The following DACH2 variants were observed in gnomAD, a reference collection of about 807,000 sequenced individuals.
DACH2 encodes the protein dachshund family transcription factor 2.
In DACH2, 17 loss-of-function variants were observed where a neutral mutation model predicts 35.8. The observed-to-expected ratio is 0.48, with a 90% confidence interval of 0.33 to 0.71. The LOEUF is 0.71. Among genes scored for constraint, DACH2 ranks in the 30% least tolerant of loss-of-function variants. DACH2 has a pLI of 0.02. For synonymous variants in DACH2, 195 were observed against 177.3 expected (o/e 1.10, Z -0.79); for missense variants, 469 against 472.7 (o/e 0.99, Z 0.07).
At chrX:86,186,131 A>T (rs5922232) in intron 1 of DACH2, among the ~76,000 whole-genome samples, 46,152 of 111,770 alleles carry the variant, frequency 0.41, 7,878 homozygotes, top group Non-Finnish European at 0.55. Flanking sequence ...TCCTATACTA[A>T]CCAAACTAAT....
At chrX:86,730,106 T>G (rs1033724477) in intron 6 of DACH2, among the ~76,000 whole-genome samples, 1 of 111,388 alleles carries the variant, frequency 9.0e-6, no homozygotes, top group Non-Finnish European at 1.9e-5. Flanking sequence ...TTGGTTTATA[T>G]TAAGCTGATG....
At chrX:86,720,745 C>T (rs1271267735) in intron 6 of DACH2, among the ~76,000 whole-genome samples, 2 of 112,497 alleles carry the variant, frequency 1.8e-5, no homozygotes, top group Non-Finnish European at 3.8e-5. Context: ...CTAGGCAGTG[C>T]CCCAGTGGGG....
At chrX:86,728,173 A>G (rs1299833801) in intron 6 of DACH2, among the ~76,000 whole-genome samples, 1 of 111,997 alleles carries the variant, frequency 8.9e-6, no homozygotes, top group African/African-American at 3.2e-5. Context: ...GTTATACCTT[A>G]GCAAAGATCC....
At chrX:86,761,277 G>A (rs1290098626) in intron 7 of DACH2, among the ~76,000 whole-genome samples, 4 of 110,985 alleles carry the variant, frequency 3.6e-5, no homozygotes, top group Non-Finnish European at 5.7e-5. Flanking sequence ...TCCCACTTAT[G>A]AGTGAGAACA....
chrX:86,409,308 T>C (rs2036573468), intron 2 of DACH2, among the ~76,000 whole-genome samples: 1 of 111,543 alleles, frequency 9.0e-6, no homozygotes, highest in South Asian at 3.8e-4. Context: ...CATGGAGTAG[T>C]AATATGGCAT....
chrX:86,202,773 G>C (rs753661248), intron 1 of DACH2, among the ~76,000 whole-genome samples: 1 of 111,076 alleles, frequency 9.0e-6, no homozygotes, highest in African/African-American at 3.3e-5. Flanking sequence ...ATGAAGAAGG[G>C]ATTTGTTTGA....
intron 1 of DACH2, among the ~76,000 whole-genome samples, chrX:86,195,639 T>C (rs778209714): frequency 8.9e-6 from 1 of 111,938 alleles, no homozygotes; most frequent in Admixed American, 9.4e-5. Context: ...TAAGGACAAG[T>C]CCCTTTGTCA....
chrX:86,310,760 C>G (rs967025476), intron 1 of DACH2, among the ~76,000 whole-genome samples: 6 of 111,519 alleles, frequency 5.4e-5, no homozygotes, highest in Non-Finnish European at 1.1e-4. Context: ...GTATGGACCT[C>G]TCTCAGTGGT....
chrX:86,597,659 G>T (rs192774858), intron 3 of DACH2, among the ~76,000 whole-genome samples: 32 of 111,583 alleles, frequency 2.9e-4, no homozygotes, highest in Non-Finnish European at 4.9e-4. Flanking sequence ...GCAGTCTCTA[G>T]ATGTCTTGTT....
At chrX:86,462,816 C>A (rs2037598590) in intron 2 of DACH2, among the ~76,000 whole-genome samples, 1 of 111,100 alleles carries the variant, frequency 9.0e-6, no homozygotes, top group African/African-American at 3.3e-5. Flanking sequence ...TAAAACAATA[C>A]AAGAAGCATC....
chrX:86,793,828 G>A (rs749974615), intron 7 of DACH2, among the ~76,000 whole-genome samples: 2 of 111,908 alleles, frequency 1.8e-5, no homozygotes, highest in African/African-American at 3.2e-5. Context: ...AACCTATGCT[G>A]AAGTGAAAAT....
At chrX:86,467,943 C>T (rs921210092) in intron 2 of DACH2, among the ~76,000 whole-genome samples, 2 of 111,251 alleles carry the variant, frequency 1.8e-5, no homozygotes, top group Non-Finnish European at 3.8e-5. Flanking sequence ...GTTTTCTCCC[C>T]TGGGTCCCTC....
intron 2 of DACH2, among the ~76,000 whole-genome samples, chrX:86,416,504 T>C (rs1200855920): frequency 8.9e-6 from 1 of 112,176 alleles, no homozygotes; most frequent in East Asian, 2.8e-4. Context: ...TTGAGTGCCT[T>C]TAAACTGCAT....
intron 7 of DACH2, among the ~76,000 whole-genome samples, chrX:86,749,116 A>G (rs1006742146): frequency 1.8e-5 from 2 of 112,131 alleles, no homozygotes; most frequent in Non-Finnish European, 3.8e-5. Context: ...AATTAAAGAA[A>G]TGTTGTGACT....
At chrX:86,746,837 G>A (rs1332549688) in intron 7 of DACH2, among the ~76,000 whole-genome samples, 6 of 110,836 alleles carry the variant, frequency 5.4e-5, no homozygotes, top group Non-Finnish European at 1.1e-4. Flanking sequence ...AGAATGCTTC[G>A]TCCTTACACT....
chrX:86,793,640 A>T (rs7055051), intron 7 of DACH2, among the ~76,000 whole-genome samples: 36,422 of 111,107 alleles, frequency 0.33, 4,829 homozygotes, highest in Middle Eastern at 0.44. Context: ...TCTGAATTTA[A>T]CATTAAACTG....
intron 7 of DACH2, among the ~76,000 whole-genome samples, chrX:86,782,802 A>G (rs2042100887): frequency 9.0e-6 from 1 of 111,574 alleles, no homozygotes; most frequent in Admixed American, 9.6e-5. Flanking sequence ...AAACTATGAA[A>G]CTACTACAGG....
At chrX:86,413,665 T>C (rs1205560628) in intron 2 of DACH2, among the ~76,000 whole-genome samples, 1 of 111,223 alleles carries the variant, frequency 9.0e-6, no homozygotes, top group Non-Finnish European at 1.9e-5. Context: ...ACTATTTTTC[T>C]AGGTAGAGCA....
intron 6 of DACH2, among the ~76,000 whole-genome samples, chrX:86,734,428 A>G (rs2041573635): frequency 9.0e-6 from 1 of 111,272 alleles, no homozygotes; most frequent in Non-Finnish European, 1.9e-5. Context: ...TCCTAGAGAA[A>G]CAAGGTAAGA....
Sources: gnomAD v4.1 joint callset for allele counts (sites outside exome capture counted in the v4.1 genomes callset) on GRCh38, gnomAD v4.1.1 for gene constraint, MANE v1.5 for transcripts, NCBI Gene and HGNC (gene_info 2026-07-23, HGNC 2026-07-21) for gene names.